SPRED1: variants seen among roughly 807,000 people sequenced by gnomAD.
SPRED1 encodes sprouty related EVH1 domain containing 1.
Under a neutral mutation model 52.3 loss-of-function variants are expected in SPRED1, and 18 were observed. That is an observed-to-expected ratio of 0.34 (90% CI 0.24 to 0.51). SPRED1 has a LOEUF of 0.51. Among genes scored for constraint, SPRED1 ranks in the 20% least tolerant of loss-of-function variants. The pLI, the probability that SPRED1 is intolerant of heterozygous loss-of-function variation, is 0.97. For missense variants in SPRED1, 485 were observed against 551.0 expected, an observed-to-expected ratio of 0.88 and a Z score of 1.20; for synonymous variants, 155 against 179.7, an observed-to-expected ratio of 0.86 and a Z score of 1.10.
chr15:38,341,143 A>G (rs1323192916), intron 5 of SPRED1, among the ~76,000 whole-genome samples: 2 of 151,960 alleles, frequency 1.3e-5, no homozygotes, highest in Non-Finnish European at 2.9e-5. Context: ...CAGATTTTCA[A>G]GTTCATTGGC....
rs1276005784 is a variant in SPRED1, at chr15:38,354,062, T to G, written c.*2398T>G. ...AACTATGGTGATGAAATGGTTTTTA[T>G]TTTACCTTGGATCTTTATAGTTAAC... On this transcript the variant is annotated 3_prime_UTR_variant, in exon 7 of 7. Coordinates refer to ENST00000299084, the MANE Select transcript of SPRED1 (RefSeq NM_152594.3). 2.0e-5 allele frequency: 3 copies of G among 152,648 alleles called. No individual in the cohort carries two copies. In the East Asian group the frequency reaches 5.8e-4, roughly 29 times the overall value. The allele number at this position is 152,648 out of a possible 1,614,324, so 9.5% of individuals were successfully genotyped here. A position where few individuals can be genotyped will look rare whatever the true frequency, so the allele number is the denominator to read the frequency against.
chr15:38,349,022 C>T (rs1271555761), intron 5 of SPRED1, among the ~76,000 whole-genome samples: 1 of 152,088 alleles, frequency 6.6e-6, no homozygotes. Context: ...CCAAAAAACC[C>T]ACACTGATTA....
At chr15:38,268,079 A>G (rs1241709650) in intron 1 of SPRED1, 1 of 152,240 alleles carries the variant, frequency 6.6e-6, no homozygotes, top group Non-Finnish European at 1.5e-5. Flanking sequence ...CTTATAAAAG[A>G]TTAATTTGCA....
chr15:38,260,146 G>A (rs1407234699), intron 1 of SPRED1, among the ~76,000 whole-genome samples: 1 of 152,186 alleles, frequency 6.6e-6, no homozygotes, highest in Non-Finnish European at 1.5e-5. Context: ...GGCTTAAAAA[G>A]CAACAACAAG....
intron 2 of SPRED1, among the ~76,000 whole-genome samples, chr15:38,313,323 G>A (rs772570130): frequency 1.3e-5 from 2 of 151,954 alleles, no homozygotes; most frequent in Non-Finnish European, 2.9e-5. Flanking sequence ...AAATGGAGCA[G>A]TGCCTCAGTC....
chr15:38,348,849 A>T (rs1260356588), intron 5 of SPRED1, among the ~76,000 whole-genome samples: 2 of 152,162 alleles, frequency 1.3e-5, no homozygotes, highest in African/African-American at 2.4e-5. Context: ...TTGCAATTCG[A>T]AACACTTGTA....
chr15:38,286,986 A>G lies in SPRED1; in HGVS notation c.33-12387A>G, dbSNP rs16966637. 7.6e-3 allele frequency among the ~76,000 whole-genome samples: 1,160 copies of G among 152,222 alleles called. 12 individuals carry two copies. The highest frequency in any genetic ancestry group is 0.027 in the African/African-American group (1,111 of 41,534). ...GTATTATATCTACAATCCTATTTAG[A>G]TGGTGAACTTCTTGAGGGAAGGTAT... On this transcript the variant is annotated intron_variant, in intron 1 of 6. Coordinates refer to ENST00000299084, the MANE Select transcript of SPRED1 (RefSeq NM_152594.3).
At chr15:38,285,494 G>T (rs977625835) in intron 1 of SPRED1, among the ~76,000 whole-genome samples, 17 of 152,184 alleles carry the variant, frequency 1.1e-4, no homozygotes, top group Non-Finnish European at 2.5e-4. Flanking sequence ...CTGGGAAGGG[G>T]TTTAGGTGGT....
At chr15:38,259,398 G>A (rs754128245) in intron 1 of SPRED1, among the ~76,000 whole-genome samples, 6 of 152,142 alleles carry the variant, frequency 3.9e-5, no homozygotes, top group Non-Finnish European at 5.9e-5. Flanking sequence ...TAGGACGACA[G>A]GTGTGCCACC....
chr15:38,341,790 A>C (rs928050765), intron 5 of SPRED1, among the ~76,000 whole-genome samples: 14 of 152,102 alleles, frequency 9.2e-5, no homozygotes, highest in Non-Finnish European at 1.6e-4. Context: ...TTTTATGTGC[A>C]TTAAAAAAGA....
chr15:38,258,847 G>T (rs1894153120), intron 1 of SPRED1, among the ~76,000 whole-genome samples: 1 of 152,276 alleles, frequency 6.6e-6, no homozygotes, highest in Non-Finnish European at 1.5e-5. Context: ...ACCATCTTCT[G>T]TGCAGTATGG....
intron 2 of SPRED1, among the ~76,000 whole-genome samples, chr15:38,308,262 T>G (rs8026366): frequency 0.77 from 117,701 of 152,148 alleles, 46,999 homozygotes; most frequent in Non-Finnish European, 0.87. Context: ...CTGTGTACAC[T>G]CTAACCTGTT....
chr15:38,263,004 C>G (rs950971065), intron 1 of SPRED1, among the ~76,000 whole-genome samples: 2 of 152,028 alleles, frequency 1.3e-5, no homozygotes, highest in African/African-American at 2.4e-5. Context: ...GGACAGTTGA[C>G]TGGAGGGAGA....
intron 1 of SPRED1, among the ~76,000 whole-genome samples, chr15:38,267,116 T>A (rs1452752957): frequency 6.6e-6 from 1 of 152,202 alleles, no homozygotes; most frequent in Admixed American, 6.5e-5. Flanking sequence ...AGCTTTCAAC[T>A]GCATCTAGTT....
intron 1 of SPRED1, among the ~76,000 whole-genome samples, chr15:38,255,060 T>C (rs1894064900): frequency 6.6e-6 from 1 of 152,170 alleles, no homozygotes; most frequent in Non-Finnish European, 1.5e-5. Context: ...AAGCAGATGA[T>C]GGAATGTGAA....
At chr15:38,336,313 A>G (rs1026918506) in intron 4 of SPRED1, among the ~76,000 whole-genome samples, 4 of 151,238 alleles carry the variant, frequency 2.6e-5, no homozygotes, top group Non-Finnish European at 4.4e-5. Context: ...TTAGAGCACT[A>G]TAATTTGCAA....
At chr15:38,338,192 C>A (rs753135643) in intron 4 of SPRED1, among the ~76,000 whole-genome samples, 1 of 148,774 alleles carries the variant, frequency 6.7e-6, no homozygotes, top group Non-Finnish European at 1.5e-5. Context: ...GCCTGAGTGA[C>A]AAGAACAAGA....
In SPRED1 at chr15:38,327,973, T is replaced by C. The variant is rs143535636; in HGVS notation, c.423+3164T>C. On this transcript the variant is annotated intron_variant, in intron 4 of 6. Transcript: ENST00000299084. Reference sequence around the variant, plus strand: ...ATTTACCTTAGTACCATTTATTTCATTCATGATGTTCTAAAGGTTTAGAAG... The same window carrying C: ...ATTTACCTTAGTACCATTTATTTCACTCATGATGTTCTAAAGGTTTAGAAG... 5.0e-4 allele frequency among the ~76,000 whole-genome samples: 76 copies of C among 152,348 alleles called. No homozygotes were observed. The East Asian group carries it at 0.011, about 22-fold the overall frequency.
At chr15:38,348,546 T>G (rs1055109350) in intron 5 of SPRED1, among the ~76,000 whole-genome samples, 2 of 152,126 alleles carry the variant, frequency 1.3e-5, no homozygotes, top group Non-Finnish European at 2.9e-5. Flanking sequence ...AGAGTTTTAC[T>G]TCATGTGCTT....
Sources: allele counts gnomAD v4.1 joint callset (sites outside exome capture counted in the v4.1 genomes callset), GRCh38; gene constraint gnomAD v4.1.1; transcripts MANE v1.5; gene names NCBI Gene and HGNC (gene_info 2026-07-23, HGNC 2026-07-21).